ARHGEF37: variants seen among roughly 807,000 people sequenced by gnomAD.
ARHGEF37 encodes Rho guanine nucleotide exchange factor (GEF) 37.
In ARHGEF37, 55 loss-of-function variants were observed where a neutral mutation model predicts 71.1. That is an observed-to-expected ratio of 0.77 (90% confidence interval 0.62 to 0.97). ARHGEF37 has a LOEUF of 0.97. Among genes scored for constraint, ARHGEF37 ranks in the 50% least tolerant of loss-of-function variants. The pLI, the probability that ARHGEF37 is intolerant of heterozygous loss-of-function variation, is 0.00. For missense variants in ARHGEF37, 765 were observed against 836.8 expected (o/e 0.91, Z 1.06); for synonymous variants, 327 against 350.6 (o/e 0.93, Z 0.75).
In ARHGEF37 at chr5:149,560,334, G is replaced by A. The variant is rs937600107; in HGVS notation, c.-12+8211G>A. ...TCTCCATGATGGTCAGGCTGGTCTC[G>A]AACTCCCGACCTCAGGTGATCCGCC... On this transcript the variant is annotated intron_variant, in intron 1 of 2. Coordinates refer to the ARHGEF37 transcript ENST00000505810. Among the ~76,000 whole-genome samples, 6 of 152,190 alleles carry A rather than the reference G, an allele frequency of 3.9e-5. No homozygotes were observed. The East Asian group carries it at 7.7e-4, about 20-fold the overall frequency.
chr5:149,559,865 G>A (rs907410783), intron 1 of ARHGEF37, among the ~76,000 whole-genome samples: 3 of 152,056 alleles, frequency 2.0e-5, no homozygotes, highest in Admixed American at 6.5e-5. Context: ...CAAGAATTTT[G>A]CAAGTCTGTT....
upstream of ARHGEF37, among the ~76,000 whole-genome samples, chr5:149,576,756 G>A (rs561611076): frequency 1.3e-5 from 2 of 152,272 alleles, no homozygotes; most frequent in South Asian, 4.2e-4. Flanking sequence ...AGGAGTTTAA[G>A]ACCAGCCTGG....
chr5:149,567,239 G>A (rs918955259), intron 1 of ARHGEF37, among the ~76,000 whole-genome samples: 1 of 152,120 alleles, frequency 6.6e-6, no homozygotes. Flanking sequence ...ATGAGATTCA[G>A]GTTATACTTT....
chr5:149,562,568 G>A (rs1157030380), intron 1 of ARHGEF37, among the ~76,000 whole-genome samples: 3 of 152,126 alleles, frequency 2.0e-5, no homozygotes, highest in East Asian at 1.9e-4. Flanking sequence ...TCAACCTCCC[G>A]AGTAGCTGAG....
rs750826504 is a variant in ARHGEF37 at position 149,632,082 on chromosome 5, A to T, written c.1919A>T (p.Asn640Ile). 2.5e-6 allele frequency: 4 copies of T among 1,614,140 alleles called. No individual in the cohort carries two copies. In the African/African-American group the frequency reaches 5.3e-5, roughly 22 times the overall value. ...CTGGAGGCCCAGGACAAGAAGGGGA[A>T]CCCTGAGTGGAGCCTGGTGGAAGTG... is the stretch of plus-strand genomic sequence containing the variant. Reference protein sequence around the residue: ...TILEAQDKKGNPEWSLVEVNG... With the variant: ...TILEAQDKKGIPEWSLVEVNG... The change falls in exon 13 of 13, where the codon AAC becomes ATC. Residue 640 changes from asparagine to isoleucine, a missense_variant. Physicochemically the swap from Asn to Ile is moderately radical, Grantham distance 149 (BLOSUM62 -3). Around this residue, in one of 5 missense-constraint regions of ARHGEF37, gnomAD observed 390 missense variants for 407.4 expected, o/e 0.96. Coordinates refer to ENST00000333677, the MANE Select transcript of ARHGEF37 (RefSeq NM_001001669.3).
At chr5:149,595,360 C>G (rs994932618) in intron 1 of ARHGEF37, among the ~76,000 whole-genome samples, 3 of 151,876 alleles carry the variant, frequency 2.0e-5, no homozygotes, top group African/African-American at 4.8e-5. Context: ...AAAATTTTTT[C>G]TGTAGAGACG....
At chr5:149,571,905 CAAAA>C (rs150393350) in intron 1 of ARHGEF37, among the ~76,000 whole-genome samples, 16 of 77,562 alleles carry the variant, frequency 2.1e-4, no homozygotes, top group South Asian at 5.1e-4. Context: ...GACCCTGTCT[CAAAA>C]AAAAAAAAAA....
At chr5:149,586,264 G>T (rs1763234289) in intron 1 of ARHGEF37, among the ~76,000 whole-genome samples, 1 of 152,178 alleles carries the variant, frequency 6.6e-6, no homozygotes, top group Non-Finnish European at 1.5e-5. Flanking sequence ...ATGTTTTTCT[G>T]TTTTTTGTTT....
At chr5:149,619,500 G>GAATA (rs1170425529) in intron 7 of ARHGEF37, among the ~76,000 whole-genome samples, 2 of 152,196 alleles carry the variant, frequency 1.3e-5, no homozygotes, top group African/African-American at 2.4e-5. Flanking sequence ...CTGAATGAAT[G>GAATA]AATACATGAA....
chr5:149,603,448 G>T (rs1308179186), intron 3 of ARHGEF37, among the ~76,000 whole-genome samples: 1 of 152,136 alleles, frequency 6.6e-6, no homozygotes, highest in Non-Finnish European at 1.5e-5. Context: ...TTGAATGCAG[G>T]TAGTTGGCCC....
At chr5:149,565,626 T>C (rs974937174) in intron 1 of ARHGEF37, among the ~76,000 whole-genome samples, 1 of 152,196 alleles carries the variant, frequency 6.6e-6, no homozygotes, top group Non-Finnish European at 1.5e-5. Context: ...GGCTTATTTA[T>C]TGAATACCAC....
upstream of ARHGEF37, among the ~76,000 whole-genome samples, chr5:149,577,161 T>A (rs1763036978): frequency 6.6e-6 from 1 of 152,182 alleles, no homozygotes; most frequent in Non-Finnish European, 1.5e-5. Flanking sequence ...ACTTAATCTT[T>A]CTGAGCCTCA....
intron 1 of ARHGEF37, among the ~76,000 whole-genome samples, chr5:149,591,699 C>A (rs1349747264): frequency 6.6e-6 from 1 of 152,170 alleles, no homozygotes; most frequent in South Asian, 2.1e-4. Flanking sequence ...TCAGTAGAAA[C>A]CGTACTTTGA....
Position 149,621,828 on chromosome 5 carries a change from G to C in ARHGEF37, c.1101G>C (p.Lys367Asn). Residue 367 changes from lysine to asparagine, a missense_variant, in exon 9 of 13, where the codon AAG becomes AAC. Around this residue, in one of 5 missense-constraint regions of ARHGEF37, gnomAD observed 390 missense variants for 407.4 expected, o/e 0.96. Transcript: ENST00000333677. ...PQNLIKKRLD[K>N]LLDFERVEEK... ...ACCTGATCAAGAAGCGTCTGGACAA[G>C]CTACTGGACTTTGAGCGGGTGGAAG... 3.1e-6 allele frequency: 5 copies of C among 1,614,260 alleles called. No individual in the cohort carries two copies. Among genetic ancestry groups the C allele is most frequent in the Non-Finnish European group, 4.2e-6 (5 of 1,180,052 alleles).
At chr5:149,588,752 G>A (rs1430876710) in intron 1 of ARHGEF37, among the ~76,000 whole-genome samples, 2 of 152,020 alleles carry the variant, frequency 1.3e-5, no homozygotes, top group African/African-American at 4.8e-5. Flanking sequence ...GAGTAAGAAA[G>A]GGAAAGAAAA....
Position 149,621,986 on chromosome 5 carries a change from T to C in ARHGEF37, c.1259T>C (p.Ile420Thr). 6.2e-7 allele frequency: 1 copy of C among 1,614,162 alleles called. No homozygotes were observed. Among genetic ancestry groups the C allele is most frequent in the Non-Finnish European group, 8.5e-7 (1 of 1,180,008 alleles). The change falls in exon 9 of 13, where the codon ATC becomes ACC. Residue 420 changes from isoleucine (I) to threonine (T), a missense_variant. Coordinates refer to ENST00000333677, the MANE Select transcript of ARHGEF37 (RefSeq NM_001001669.3). ...NQLVMQWLGQ[I>T]MCTFVTLQRD... ...CTGGTCATGCAGTGGCTGGGCCAGA[T>C]CATGTGCACATTCGTGACCCTCCAG...
chr5:149,603,093 C>T (rs1419967927), intron 3 of ARHGEF37, among the ~76,000 whole-genome samples: 4 of 151,896 alleles, frequency 2.6e-5, no homozygotes, highest in South Asian at 2.1e-4. Flanking sequence ...CCACCACACC[C>T]GGTTAATTTT....
rs1487694836 is a variant in ARHGEF37, at chr5:149,567,141, A to C, written c.-12+15018A>C. Among the ~76,000 whole-genome samples the C allele has an allele frequency of 3.3e-5, 5 of 152,170 alleles. No individual in the cohort carries two copies. In the East Asian group the frequency reaches 9.6e-4, roughly 29 times the overall value. On this transcript the variant is annotated intron_variant, in intron 1 of 2. Coordinates refer to the ARHGEF37 transcript ENST00000505810. ...CTTCAATCTGGAATTTTCAGCTTTT[A>C]TGTTTCTTCATCTTGACATTTTTGA...
chr5:149,588,114 GTCCTGAACTCC>G (rs1398691593), intron 1 of ARHGEF37, among the ~76,000 whole-genome samples: 1 of 152,044 alleles, frequency 6.6e-6, no homozygotes, highest in South Asian at 2.1e-4. Flanking sequence ...GGTCAGGCTG[GTCCTGAACTCC>G]TGACCCCGTG....
Sources: allele counts gnomAD v4.1 joint callset (sites outside exome capture counted in the v4.1 genomes callset), GRCh38; gene constraint gnomAD v4.1.1; regional missense constraint gnomAD v4.1.1; transcripts MANE v1.5; gene names NCBI Gene and HGNC (gene_info 2026-07-23, HGNC 2026-07-21).